The following KNL1 variants were observed in gnomAD, a reference collection of about 807,000 sequenced individuals.
KNL1 encodes the protein kinetochore scaffold 1.
A neutral mutation model predicts 201.3 loss-of-function variants in KNL1; 66 were observed. The observed-to-expected ratio is 0.33, with a 90% CI of 0.27 to 0.40. The LOEUF (loss-of-function observed/expected upper bound fraction) is 0.40, where lower values mean the gene tolerates loss of function less well. Ranked by LOEUF, KNL1 falls within the 10% of genes least tolerant of loss-of-function variation. The probability of loss-of-function intolerance (pLI) is 1.00; values close to 1 mark genes in which losing one functional copy is unlikely to be tolerated. For synonymous variants in KNL1, 895 were observed against 899.2 expected, an observed-to-expected ratio of 1.00 and a Z score of 0.08; for missense variants, 2,815 against 2,690.5, an observed-to-expected ratio of 1.05 and a Z score of -1.02.
chr15:40,621,890 A>G lies in KNL1; in HGVS notation c.1626A>G (p.Val542=), dbSNP rs943520928. ...TAAATTGTAACTCAGTTCCTCATGTATCTAAGGAAAGAATACAGCAGAGCC... is the reference window on the plus strand; with the variant it reads ...TAAATTGTAACTCAGTTCCTCATGTGTCTAAGGAAAGAATACAGCAGAGCC... ...MNVNCNSVPH[V]SKERIQQSLS... Residue 542 remains valine, a synonymous_variant, in exon 10 of 26, where the codon GTA becomes GTG. Coordinates refer to ENST00000399668, the MANE Select transcript of KNL1 (RefSeq NM_144508.5). 1 of 1,613,982 alleles carries G rather than the reference A, an allele frequency of 6.2e-7. No individual in the cohort carries two copies.
chr15:40,615,443 T>G, intron 8 of KNL1, 65 bp downstream of exon 8: 1 of 465,278 alleles, frequency 2.1e-6, no homozygotes, highest in South Asian at 2.4e-5. Context: ...TCTTGATCAC[T>G]ATTATGTACA....
intron 19 of KNL1, 80 bp downstream of exon 19, chr15:40,650,663 C>T (rs898051803): frequency 1.1e-5 from 14 of 1,314,824 alleles, no homozygotes; most frequent in Non-Finnish European, 1.1e-5. Flanking sequence ...CAGAGACTGA[C>T]AGGATTTGGG....
intron 25 of KNL1, among the ~76,000 whole-genome samples, chr15:40,661,781 G>A (rs1373454003): frequency 1.3e-5 from 2 of 152,010 alleles, no homozygotes; most frequent in African/African-American, 4.8e-5. Flanking sequence ...GGTGGCTCAC[G>A]CCTGTAATCC....
intron 2 of KNL1, 120 bp from the exon 3 acceptor site, chr15:40,604,989 GC>G: frequency 1.6e-6 from 1 of 609,778 alleles, no homozygotes; most frequent in Non-Finnish European, 3.0e-6. Context: ...AATTTTGCTT[GC>G]CAGAGTGCTA....
At chr15:40,619,972 G>A (rs888653980) in intron 9 of KNL1, among the ~76,000 whole-genome samples, 3 of 151,834 alleles carry the variant, frequency 2.0e-5, no homozygotes, top group African/African-American at 4.8e-5. Context: ...CTCTGTTGCC[G>A]AAGTTGGAGT....
intron 10 of KNL1, among the ~76,000 whole-genome samples, chr15:40,626,763 A>G (rs916317140): frequency 6.6e-6 from 1 of 151,770 alleles, no homozygotes; most frequent in Non-Finnish European, 1.5e-5. Context: ...TATTTTTAGT[A>G]GAGACGAGGT....
chr15:40,651,839 A>G (rs1052904020), intron 20 of KNL1, among the ~76,000 whole-genome samples, 166 bp from the exon 21 acceptor site: 5 of 152,210 alleles, frequency 3.3e-5, no homozygotes, highest in African/African-American at 1.2e-4. Flanking sequence ...TAGTTATTTC[A>G]AAAGCTTAAG....
At chr15:40,594,553 C>T (rs1433270699) in intron 1 of KNL1, among the ~76,000 whole-genome samples, 161 bp downstream of exon 1, 1 of 152,230 alleles carries the variant, frequency 6.6e-6, no homozygotes. Context: ...GCCGGGCACA[C>T]TGTGCCCTTT....
intron 2 of KNL1, 58 bp downstream of exon 2, chr15:40,603,024 T>G: frequency 8.6e-7 from 1 of 1,159,784 alleles, no homozygotes; most frequent in Non-Finnish European, 1.3e-6. Context: ...GATATTTTTC[T>G]AATTAGTAAG....
Position 40,654,889 on chromosome 15 carries a change from A to G in KNL1, c.6416-20A>G. 6.2e-7 allele frequency: 1 copy of G among 1,600,398 alleles called. No homozygotes were observed. Among genetic ancestry groups the G allele is most frequent in the Non-Finnish European group, 8.5e-7 (1 of 1,171,136 alleles). On this transcript the variant is annotated intron_variant, in intron 21 of 25. Transcript: ENST00000399668. The stretch of plus-strand genomic sequence containing the variant: ...CTGTCTAAAAAAATTTTTAAAAATC[A>G]TTATTCTGGTTCTTTCTAGTTGGTT...
chr15:40,605,651 T>G (rs1891947306), intron 3 of KNL1, among the ~76,000 whole-genome samples: 1 of 152,206 alleles, frequency 6.6e-6, no homozygotes, highest in Non-Finnish European at 1.5e-5. Context: ...GGTTTTGCCA[T>G]GTTGCCCAGG....
In KNL1 at chr15:40,621,451, A is replaced by G; in HGVS notation, c.1187A>G (p.His396Arg). 6.2e-7 allele frequency: 1 copy of G among 1,613,850 alleles called. No homozygotes were observed. Among genetic ancestry groups the G allele is most frequent in the Non-Finnish European group, 8.5e-7 (1 of 1,179,852 alleles). Residue 396 changes from histidine to arginine, a missense_variant, in exon 10 of 26, where the codon CAC becomes CGC. Around this residue, in one of 3 missense-constraint regions of KNL1, gnomAD observed 2,464 missense variants for 2,291.7 expected, o/e 1.08. Coordinates refer to ENST00000399668, the MANE Select transcript of KNL1 (RefSeq NM_144508.5). ...TRSHIMGAET[H>R]IVSQTCNQDA... is the part of the protein sequence containing the mutation. ...AGTCATATTATGGGGGCAGAAACTC[A>G]CATAGTCTCACAGACTTGTAATCAG...
At chr15:40,608,745 CAAA>C (rs35446763) in intron 4 of KNL1, 99 bp from the exon 5 acceptor site, 7,042 of 529,326 alleles carry the variant, frequency 0.013, no homozygotes, top group South Asian at 0.024. Flanking sequence ...AACTCCATCT[CAAA>C]AAAAAAAAAA....
intron 13 of KNL1, among the ~76,000 whole-genome samples, chr15:40,635,955 G>C (rs147325866): frequency 0.013 from 1,910 of 152,234 alleles, 12 homozygotes; most frequent in Non-Finnish European, 0.019. Context: ...CCCTGCTTCA[G>C]CCTCCCCAGT....
intron 7 of KNL1, among the ~76,000 whole-genome samples, chr15:40,614,922 G>A (rs1232587078): frequency 6.6e-6 from 1 of 151,928 alleles, no homozygotes; most frequent in African/African-American, 2.4e-5. Context: ...TTTTGAGATG[G>A]GGTCTCACTC....
Position 40,628,173 on chromosome 15 carries a change from C to T in KNL1, c.5480C>T (p.Ser1827Leu). ...TCTAGTTGCAGCAGCTCTCTGGATT[C>T]AATCAAGGCTGATGGGACCTCTCTG... ...TPSSCSSSLD[S>L]IKADGTSLDF... Residue 1827 changes from serine (S) to leucine (L), a missense_variant, in exon 11 of 26, where the codon TCA (serine) becomes TTA (leucine). Ser to Leu is a moderately radical substitution (Grantham distance 145). This residue lies in a region of KNL1 where 2,464 missense variants were observed against 2,291.7 expected (regional missense o/e 1.08). Transcript: ENST00000399668. 5.6e-6 allele frequency: 9 copies of T among 1,612,164 alleles called. No individual in the cohort carries two copies. The highest frequency in any genetic ancestry group is 2.2e-5 in the South Asian group (2 of 90,674).
At chr15:40,619,346 A>C (rs1892441542) in intron 9 of KNL1, among the ~76,000 whole-genome samples, 1 of 107,412 alleles carries the variant, frequency 9.3e-6, no homozygotes, top group Non-Finnish European at 2.1e-5. Flanking sequence ...CTGTTGTAGC[A>C]CACAGTGTAA....
At chr15:40,603,812 G>A (rs1891887387) in intron 2 of KNL1, among the ~76,000 whole-genome samples, 1 of 152,160 alleles carries the variant, frequency 6.6e-6, no homozygotes, top group Non-Finnish European at 1.5e-5. Context: ...GCAGCTCAGA[G>A]GCAGTTCTGC....
chr15:40,601,692 G>A (rs1172969501), intron 1 of KNL1, among the ~76,000 whole-genome samples: 1 of 151,222 alleles, frequency 6.6e-6, no homozygotes, highest in Non-Finnish European at 1.5e-5. Context: ...GCGGTCGTGG[G>A]CGCCTGTAGT....
Sources: allele counts gnomAD v4.1 joint callset (sites outside exome capture counted in the v4.1 genomes callset), GRCh38; gene constraint gnomAD v4.1.1; regional missense constraint gnomAD v4.1.1; transcripts MANE v1.5; gene names NCBI Gene and HGNC (gene_info 2026-07-23, HGNC 2026-07-21).